The following HDHD5 variants were observed in gnomAD, a reference collection of about 807,000 sequenced individuals.
HDHD5 encodes haloacid dehalogenase like hydrolase domain containing 5.
Under a neutral mutation model 35.5 loss-of-function variants are expected in HDHD5, and 34 were observed. That is an observed-to-expected ratio of 0.96 (90% CI 0.73 to 1.28). HDHD5 has a LOEUF of 1.28. Among genes scored for constraint, HDHD5 ranks in the 50% most tolerant of loss-of-function variants. The probability of loss-of-function intolerance (pLI) is 0.00; values close to 1 mark genes in which losing one functional copy is unlikely to be tolerated. For synonymous variants in HDHD5, 248 were observed against 240.6 expected (o/e 1.03, Z -0.29); for missense variants, 589 against 560.2 (o/e 1.05, Z -0.52).
chr22:17,150,998 T>C (rs557244357), intron 1 of HDHD5, among the ~76,000 whole-genome samples: 65 of 152,354 alleles, frequency 4.3e-4, no homozygotes, highest in Admixed American at 3.9e-3. Flanking sequence ...CTGATTTTTT[T>C]CCCATATTAT....
At position 17,159,272 on chromosome 22, in the gene HDHD5, G is replaced by A. The variant is rs1177848900; in HGVS notation, c.-21C>T. Reference sequence around the variant, plus strand: ...GCCATCCGGCCGTCGCCGTGCGCACGTGCACGGCGTGCGGCCCCCCCCCCC... The same window carrying A: ...GCCATCCGGCCGTCGCCGTGCGCACATGCACGGCGTGCGGCCCCCCCCCCC... On this transcript the variant is annotated 5_prime_UTR_variant, in exon 1 of 8. In the 5' UTR this introduces an upstream ATG that the reference lacks. Coordinates refer to ENST00000336737, the MANE Select transcript of HDHD5 (RefSeq NM_033070.3). 1.7e-6 allele frequency: 2 copies of A among 1,197,404 alleles called. No individual in the cohort carries two copies. The highest frequency in any genetic ancestry group is 2.1e-6 in the Non-Finnish European group (2 of 963,606). 74.2% of individuals were successfully genotyped at this position (1,197,404 alleles called of 1,614,324 possible).
intron 1 of HDHD5, among the ~76,000 whole-genome samples, chr22:17,153,230 G>A (rs1218768613): frequency 2.0e-5 from 3 of 152,140 alleles, no homozygotes; most frequent in Admixed American, 2.0e-4. Context: ...GCCTTGCCTG[G>A]CAAAATGTGC....
chr22:17,157,085 T>TTCACACACATACACACACACAC, intron 1 of HDHD5, among the ~76,000 whole-genome samples: 1 of 143,798 alleles, frequency 7.0e-6, no homozygotes, highest in Middle Eastern at 3.5e-3. Flanking sequence ...CTCACACACA[T>TTCACACACATACACACACACAC]ACACACACAC....
chr22:17,144,079 G>A (rs1163873203), intron 4 of HDHD5, among the ~76,000 whole-genome samples: 2 of 152,176 alleles, frequency 1.3e-5, no homozygotes, highest in Non-Finnish European at 2.9e-5. Context: ...GCTCAGTGCC[G>A]GGCCTCAGGA....
chr22:17,138,281 G>GC lies in HDHD5; in HGVS notation c.1011dup (p.Pro338AlafsTer69), dbSNP rs1171412265. On this transcript the variant is annotated frameshift_variant, in exon 8 of 8. Transcript: ENST00000336737. LOFTEE classifies it low-confidence loss of function (END_TRUNC). The stretch of plus-strand genomic sequence containing the variant: ...CGTGTGCCCCCGGCCCCTAGTTCTG[G>GC]CGCCCCATCATGCGTTGCCTTCTGC... The GC allele has an allele frequency of 6.2e-7, 1 of 1,614,054 alleles. No homozygotes were observed. Among genetic ancestry groups the GC allele is most frequent in the African/African-American group, 1.3e-5 (1 of 74,914 alleles).
In HDHD5 at chr22:17,159,204, A is replaced by G; in HGVS notation, c.48T>C (p.Leu16=). ...CVAALGAARG[L]CWRAARAAAG... is the part of the protein sequence containing the mutation. ...CAGCCGCGCGCGCCGCCCGCCAGCA[A>G]AGCCCACGCGCCGCGCCGAGCGCAG... is the stretch of plus-strand genomic sequence containing the variant. The change falls in exon 1 of 8, where the codon CTT becomes CTC. Residue 16 remains leucine, a synonymous_variant. Transcript: ENST00000336737. 10 of 1,205,868 alleles carry G rather than the reference A, an allele frequency of 8.3e-6. No individual in the cohort carries two copies. The highest frequency in any genetic ancestry group is 1.0e-5 in the Non-Finnish European group (10 of 972,794). 74.7% of individuals were successfully genotyped at this position (1,205,868 alleles called of 1,614,324 possible). A position where few individuals can be genotyped will look rare whatever the true frequency, so the allele number is the denominator to read the frequency against.
chr22:17,152,841 C>G (rs2061743615), intron 1 of HDHD5, among the ~76,000 whole-genome samples: 1 of 152,010 alleles, frequency 6.6e-6, no homozygotes, highest in South Asian at 2.1e-4. Flanking sequence ...ACTGAACAGG[C>G]AAGACCCCCG....
Position 17,138,753 on chromosome 22 carries a change from C to T in HDHD5, c.747-15G>A. ...CATGTCCAAACCTGCCAGAAACGAG[C>T]ACGCAGCAGTTCAGTCTTCCTGATC... On this transcript the variant is annotated splice_polypyrimidine_tract_variant and intron_variant, in intron 6 of 7. Transcript: ENST00000336737. The T allele has an allele frequency of 6.2e-7, 1 of 1,614,032 alleles. No individual in the cohort carries two copies. Among genetic ancestry groups the T allele is most frequent in the African/African-American group, 1.3e-5 (1 of 75,058 alleles).
chr22:17,150,170 A>G (rs1448450304), intron 1 of HDHD5, among the ~76,000 whole-genome samples: 2 of 152,120 alleles, frequency 1.3e-5, no homozygotes, highest in Non-Finnish European at 2.9e-5. Context: ...CTCTATTCTC[A>G]TATTTGTCTT....
chr22:17,156,807 C>T (rs1248576736), intron 1 of HDHD5, among the ~76,000 whole-genome samples: 4 of 149,278 alleles, frequency 2.7e-5, no homozygotes, highest in African/African-American at 5.0e-5. Flanking sequence ...TGGCTGGGCA[C>T]GGTGGCTCAT....
chr22:17,159,636 C>T (rs2061848135), upstream of HDHD5: 7 of 387,322 alleles, frequency 1.8e-5, no homozygotes, highest in South Asian at 1.8e-5. Context: ...GACTTCAGGG[C>T]CGGGCCGCTG....
chr22:17,154,685 T>C (rs553118018), intron 1 of HDHD5, among the ~76,000 whole-genome samples: 2 of 150,750 alleles, frequency 1.3e-5, no homozygotes, highest in Non-Finnish European at 3.0e-5. Flanking sequence ...TGCACTAGTG[T>C]CATCTCAGCT....
intron 6 of HDHD5, among the ~76,000 whole-genome samples, chr22:17,139,791 T>C (rs1262126005): frequency 1.3e-5 from 2 of 152,220 alleles, no homozygotes; most frequent in Admixed American, 1.3e-4. Flanking sequence ...CAGGCTGATC[T>C]TGAACTGACC....
intron 3 of HDHD5, 127 bp downstream of exon 3, chr22:17,148,321 T>G: frequency 1.3e-6 from 1 of 778,054 alleles, no homozygotes; most frequent in Non-Finnish European, 2.2e-6. Context: ...CTCCCTCCCC[T>G]GAGCCCACAA....
intron 1 of HDHD5, among the ~76,000 whole-genome samples, chr22:17,164,933 C>G (rs3815481): frequency 6.6e-6 from 1 of 152,082 alleles, no homozygotes; most frequent in African/African-American, 2.4e-5. Flanking sequence ...GGATGGCCAA[C>G]AGGCCACAGA....
Position 17,147,359 on chromosome 22 carries a change from A to C in HDHD5, c.443+1089T>G, listed in dbSNP as rs35969549. Among the ~76,000 whole-genome samples the C allele has an allele frequency of 3.2e-3, 167 of 51,658 alleles. 1 individual carries two copies. Among genetic ancestry groups the C allele is most frequent in the Middle Eastern group, 0.03 (2 of 66 alleles). 33.9% of individuals were successfully genotyped at this position (51,658 alleles called of 152,430 possible). A position where few individuals can be genotyped will look rare whatever the true frequency, so the allele number is the denominator to read the frequency against. On this transcript the variant is annotated intron_variant, in intron 3 of 7. Transcript: ENST00000336737. ...CGCACACGCCCCACACCTGTGGCGC[A>C]CTCCTGTGAGCTTACCGGCCTTCGA...
upstream of HDHD5, among the ~76,000 whole-genome samples, chr22:17,161,313 C>T (rs975401052): frequency 6.6e-6 from 1 of 150,998 alleles, no homozygotes; most frequent in African/African-American, 2.4e-5. Context: ...AATCCCAGCA[C>T]TTTGGGAGGC....
At chr22:17,162,226 A>G (rs2061867764), upstream of HDHD5, among the ~76,000 whole-genome samples, 1 of 152,222 alleles carries the variant, frequency 6.6e-6, no homozygotes, top group Admixed American at 6.5e-5. Context: ...CCAAAACCTC[A>G]TGAACCACCC....
At position 17,149,652 on chromosome 22, in the gene HDHD5, G is replaced by A. The variant is rs2061703675; in HGVS notation, c.220C>T (p.Leu74=). 1 of 1,613,872 alleles carries A rather than the reference G, an allele frequency of 6.2e-7. No individual in the cohort carries two copies. Among genetic ancestry groups the A allele is most frequent in the East Asian group, 2.2e-5 (1 of 44,878 alleles). The change falls in exon 2 of 8, where the codon CTG becomes TTG. Residue 74 remains leucine (L), a synonymous_variant. Coordinates refer to ENST00000336737, the MANE Select transcript of HDHD5 (RefSeq NM_033070.3). ...IPAALKAFRR[L]VNSQGQLRVP... is the part of the protein sequence containing the mutation. Reference sequence around the variant, plus strand: ...CGCAGCTGCCCCTGGGAGTTCACCAGCCTTCGGAAGGCTTTCAGAGCAGCA... The same window carrying A: ...CGCAGCTGCCCCTGGGAGTTCACCAACCTTCGGAAGGCTTTCAGAGCAGCA...
Sources: gnomAD v4.1 joint callset for allele counts (sites outside exome capture counted in the v4.1 genomes callset) on GRCh38, gnomAD v4.1.1 for gene constraint, MANE v1.5 for transcripts, NCBI Gene and HGNC (gene_info 2026-07-23, HGNC 2026-07-21) for gene names.